LINGO2: variants seen among roughly 807,000 people sequenced by gnomAD.
LINGO2 encodes leucine rich repeat and Ig domain containing 2, also known as leucine-rich repeat and immunoglobulin-like domain-containing nogo receptor-interacting protein 2.
A neutral mutation model predicts 30.6 loss-of-function variants in LINGO2; 14 were observed. That is an observed-to-expected ratio of 0.46 (90% confidence interval 0.30 to 0.72). The LOEUF (loss-of-function observed/expected upper bound fraction) is 0.72. LINGO2 is among the 30% of genes least tolerant of loss of function. LINGO2 has a pLI of 0.07. For missense variants in LINGO2, 729 were observed against 751.7 expected (o/e 0.97, Z 0.35); for synonymous variants, 317 against 288.5 (o/e 1.10, Z -1.00).
intron 1 of LINGO2, among the ~76,000 whole-genome samples, chr9:28,567,811 AAAT>A (rs1823462342): frequency 6.6e-6 from 1 of 151,814 alleles, no homozygotes; most frequent in Non-Finnish European, 1.5e-5. Flanking sequence ...ATAAATAAAT[AAAT>A]AAATAAATAA....
At chr9:28,719,796 A>G in the LINGO2 span, among the ~76,000 whole-genome samples, 1 of 152,044 alleles carries the variant, frequency 6.6e-6, no homozygotes, top group South Asian at 2.1e-4. Flanking sequence ...AATATTAGAA[A>G]TCAGCATTTT....
chr9:28,900,321 C>G, the LINGO2 span, among the ~76,000 whole-genome samples: 1 of 152,166 alleles, frequency 6.6e-6, no homozygotes. Flanking sequence ...AGGATAGCCT[C>G]TGCAGACCCA....
rs549382357 is a variant in LINGO2 at position 28,236,445 on chromosome 9, T to C, written c.-87+58763A>G. Among the ~76,000 whole-genome samples the C allele has an allele frequency of 7.6e-4, 116 of 152,278 alleles. 1 individual carries two copies. The highest frequency in any genetic ancestry group is 2.6e-3 in the African/African-American group (109 of 41,562). On this transcript the variant is annotated intron_variant, in intron 4 of 5. Transcript: ENST00000379992. ...AACGCGGAATAGTTTAACACAGTAA[T>C]TGTAGTGTGTATACGTTTCCTGACT...
the LINGO2 span, among the ~76,000 whole-genome samples, chr9:29,136,673 T>G: frequency 1.3e-4 from 20 of 152,304 alleles, no homozygotes; most frequent in Admixed American, 1.2e-3. Flanking sequence ...TATTAAATAT[T>G]GCTGTTTCCC....
chr9:28,233,240 A>G (rs13296670), intron 4 of LINGO2, among the ~76,000 whole-genome samples: 1,537 of 151,686 alleles, frequency 0.01, 13 homozygotes, highest in Non-Finnish European at 0.013. Context: ...ATTCCCTTTA[A>G]TAAGTGACAG....
At chr9:29,183,238 C>G in the LINGO2 span, among the ~76,000 whole-genome samples, 17 of 152,096 alleles carry the variant, frequency 1.1e-4, no homozygotes, top group African/African-American at 3.6e-4. Flanking sequence ...TTTGAGTAAG[C>G]TAAGAAATTA....
At chr9:28,758,373 T>C in the LINGO2 span, among the ~76,000 whole-genome samples, 2 of 152,082 alleles carry the variant, frequency 1.3e-5, no homozygotes, top group African/African-American at 4.8e-5. Context: ...TTTGTATTAG[T>C]AACTTCAAGT....
intron 1 of LINGO2, among the ~76,000 whole-genome samples, chr9:28,521,264 G>A (rs965700233): frequency 3.3e-5 from 5 of 152,050 alleles, no homozygotes; most frequent in African/African-American, 7.2e-5. Context: ...TAGAAACATC[G>A]TCTCTGAAAT....
chr9:28,629,480 G>T (rs1826834084), intron 1 of LINGO2, among the ~76,000 whole-genome samples: 1 of 152,034 alleles, frequency 6.6e-6, no homozygotes, highest in Non-Finnish European at 1.5e-5. Flanking sequence ...GAGAAAGGAA[G>T]TAAATTCTCT....
the LINGO2 span, among the ~76,000 whole-genome samples, chr9:28,950,693 G>A: frequency 6.6e-6 from 1 of 152,124 alleles, no homozygotes; most frequent in South Asian, 2.1e-4. Flanking sequence ...TACAAGGGAT[G>A]TGAAGGACCT....
At chr9:28,583,653 G>A (rs1521740) in intron 1 of LINGO2, among the ~76,000 whole-genome samples, 1 of 151,790 alleles carries the variant, frequency 6.6e-6, no homozygotes, top group African/African-American at 2.4e-5. Flanking sequence ...ACATTTTGGT[G>A]GATATTTATC....
intron 5 of LINGO2, among the ~76,000 whole-genome samples, chr9:27,978,299 G>A (rs952284191): frequency 1.3e-5 from 2 of 152,020 alleles, no homozygotes; most frequent in African/African-American, 4.8e-5. Context: ...GCTGAAAATG[G>A]ATCAAACAGA....
At chr9:28,645,497 A>T (rs1827798061) in intron 1 of LINGO2, among the ~76,000 whole-genome samples, 1 of 152,132 alleles carries the variant, frequency 6.6e-6, no homozygotes, top group South Asian at 2.1e-4. Flanking sequence ...TAGCAATTTG[A>T]TAAAAGGCAA....
chr9:29,017,022 T>C, the LINGO2 span, among the ~76,000 whole-genome samples: 1 of 152,188 alleles, frequency 6.6e-6, no homozygotes, highest in Admixed American at 6.5e-5. Flanking sequence ...TTTCTATTTA[T>C]CTTGTGGCAT....
the LINGO2 span, among the ~76,000 whole-genome samples, chr9:29,009,305 C>T: frequency 6.6e-6 from 1 of 152,154 alleles, no homozygotes; most frequent in African/African-American, 2.4e-5. Flanking sequence ...AGCCCAAAAT[C>T]TCCTTAAGCT....
In LINGO2 at chr9:28,579,971, C is replaced by A. The variant is rs181353885; in HGVS notation, c.-365+90229G>T. Among the ~76,000 whole-genome samples, 488 of 152,198 alleles carry A rather than the reference C, an allele frequency of 3.2e-3. 1 individual carries two copies. The highest frequency in any genetic ancestry group is 0.011 in the African/African-American group (466 of 41,538). On this transcript the variant is annotated intron_variant, in intron 1 of 5. Transcript: ENST00000379992. Reference sequence around the variant, plus strand: ...AAAACCATTTGTGAAGTTGGGCAGGCTGTCAACATTACTCAAATGCACTTT... The same window carrying A: ...AAAACCATTTGTGAAGTTGGGCAGGATGTCAACATTACTCAAATGCACTTT...
intron 5 of LINGO2, among the ~76,000 whole-genome samples, chr9:27,980,532 C>T (rs147015804): frequency 2.0e-3 from 304 of 152,006 alleles, no homozygotes; most frequent in African/African-American, 6.7e-3. Context: ...ATGTTTTGAC[C>T]GCTGCTAACA....
chr9:28,038,629 C>G (rs974529416), intron 4 of LINGO2, among the ~76,000 whole-genome samples: 1 of 149,830 alleles, frequency 6.7e-6, no homozygotes, highest in Non-Finnish European at 1.5e-5. Context: ...GGAGGCGGAG[C>G]TTGCAGTGAG....
intron 4 of LINGO2, among the ~76,000 whole-genome samples, chr9:28,286,680 T>C (rs1029317494): frequency 6.6e-6 from 1 of 151,870 alleles, no homozygotes; most frequent in Non-Finnish European, 1.5e-5. Flanking sequence ...GAAGCTGGAG[T>C]CCATTATCCT....
Sources: allele counts gnomAD v4.1 joint callset (sites outside exome capture counted in the v4.1 genomes callset), GRCh38; gene constraint gnomAD v4.1.1; transcripts MANE v1.5; gene names NCBI Gene and HGNC (gene_info 2026-07-23, HGNC 2026-07-21).